Variants in RGS3 observed in about 807,000 individuals in gnomAD.
RGS3 encodes the protein regulator of G-protein signalling 3.
Under a neutral mutation model 132.6 loss-of-function variants are expected in RGS3, and 80 were observed. The observed-to-expected ratio is 0.60, with a 90% CI of 0.50 to 0.73. The LOEUF (loss-of-function observed/expected upper bound fraction) is 0.73, where lower values mean the gene tolerates loss of function less well. RGS3 is among the 30% of genes least tolerant of loss of function. The probability of loss-of-function intolerance (pLI) is 0.00; values close to 1 mark genes in which losing one functional copy is unlikely to be tolerated. For missense variants in RGS3, 1,382 were observed against 1,530.8 expected (o/e 0.90, Z 1.62); for synonymous variants, 598 against 620.6 (o/e 0.96, Z 0.54).
rs1833033235 is a variant in RGS3, at chr9:113,544,584, C to T, written c.2037+7666C>T. Among the ~76,000 whole-genome samples the T allele has an allele frequency of 3.3e-5, 5 of 152,332 alleles. No individual in the cohort carries two copies. The South Asian group carries it at 1.0e-3, about 32-fold the overall frequency. ...CAAAGTGAAAATGCAGGCAATTTTG[C>T]AACGTGGAAGGGCTCCCCACAGCGA... On this transcript the variant is annotated intron_variant, in intron 19 of 24. Coordinates refer to ENST00000350696, the Ensembl canonical transcript of RGS3.
At chr9:113,529,180 A>G in intron 17 of RGS3, 41 bp from the exon 16 acceptor site, 3 of 1,534,172 alleles carry the variant, frequency 2.0e-6, no homozygotes, top group South Asian at 2.2e-5. Flanking sequence ...GAGGCTCTTT[A>G]TCCAGTTCTA....
chr9:113,462,595 TGG>T (rs1249928805), intron 3 of RGS3, among the ~76,000 whole-genome samples: 1 of 152,218 alleles, frequency 6.6e-6, no homozygotes, highest in Non-Finnish European at 1.5e-5. Context: ...CTGCAAACCT[TGG>T]GCATGTCACC....
chr9:113,474,347 A>T (rs1368153132), intron 3 of RGS3, among the ~76,000 whole-genome samples: 1 of 152,162 alleles, frequency 6.6e-6, no homozygotes, highest in African/African-American at 2.4e-5. Context: ...CTTTTAACAC[A>T]GTAGCCATGG....
chr9:113,529,176 C>T (rs1260734366), intron 17 of RGS3, 45 bp from the exon 16 acceptor site: 3 of 1,517,830 alleles, frequency 2.0e-6, no homozygotes, highest in Admixed American at 1.7e-5. Context: ...TGCTGAGGCT[C>T]TTTATCCAGT....
rs1452236951 is a variant in RGS3, at chr9:113,584,353, A to ACC, written c.2943_2944dup (p.Leu982ProfsTer26). On this transcript the variant is annotated frameshift_variant, in exon 20 of 25. Transcript: ENST00000350696. LOFTEE classifies it high-confidence loss of function. The stretch of plus-strand genomic sequence containing the variant: ...CACCTGGGGCATGCCTTCGCCCAGC[A>ACC]CCCTCAAGAAAGAGCTGGGCCGCAA... 1 of 1,577,198 alleles carries ACC rather than the reference A, an allele frequency of 6.3e-7. No individual in the cohort carries two copies. Among genetic ancestry groups the ACC allele is most frequent in the Non-Finnish European group, 8.6e-7 (1 of 1,166,748 alleles).
chr9:113,446,026 G>A (rs900884665), intron 1 of RGS3, among the ~76,000 whole-genome samples: 2 of 152,096 alleles, frequency 1.3e-5, no homozygotes, highest in Non-Finnish European at 2.9e-5. Flanking sequence ...GAGGGAGTGA[G>A]GGTTTCATCC....
chr9:113,485,721 G>T (rs375923093), intron 7 of RGS3, 28 bp downstream of exon 5: 1 of 1,546,068 alleles, frequency 6.5e-7, no homozygotes, highest in South Asian at 1.2e-5. Context: ...GCTGGAGGGG[G>T]ACTCTGCTCT....
At chr9:113,570,407 A>G (rs536040067) in intron 19 of RGS3, 1 of 152,320 alleles carries the variant, frequency 6.6e-6, no homozygotes, top group South Asian at 2.1e-4. Flanking sequence ...CTCACCGAGA[A>G]GCAGTGAGCC....
chr9:113,537,208 G>A lies in RGS3; in HGVS notation c.2037+290G>A, dbSNP rs545584676. On this transcript the variant is annotated intron_variant, in intron 19 of 24. Transcript: ENST00000350696. This position sits in a 1 kb window ranked among gnomAD's most constrained non-coding sequence, Gnocchi z 4.3. Reference sequence around the variant, plus strand: ...GTTTGCCTATGGCAAGGTTTAATTCGGGCTGGCCTCCCTGATGCTGCCTGG... The same window carrying A: ...GTTTGCCTATGGCAAGGTTTAATTCAGGCTGGCCTCCCTGATGCTGCCTGG... Among the ~76,000 whole-genome samples the A allele has an allele frequency of 1.3e-5, 2 of 152,360 alleles. No homozygotes were observed. Among genetic ancestry groups the A allele is most frequent in the African/African-American group, 2.4e-5 (1 of 41,580 alleles).
chr9:113,503,813 C>T (rs1320101996), intron 10 of RGS3, among the ~76,000 whole-genome samples: 1 of 152,190 alleles, frequency 6.6e-6, no homozygotes, highest in Non-Finnish European at 1.5e-5. Flanking sequence ...GGGCCAGGCT[C>T]CTGGCGTCTT....
intron 19 of RGS3, among the ~76,000 whole-genome samples, chr9:113,546,174 C>T (rs1434989437): frequency 6.6e-6 from 1 of 152,182 alleles, no homozygotes; most frequent in Non-Finnish European, 1.5e-5. Flanking sequence ...TCTCTAAACT[C>T]ACTGTGCACA....
At chr9:113,548,669 C>T (rs1382171964) in intron 19 of RGS3, among the ~76,000 whole-genome samples, 1 of 152,216 alleles carries the variant, frequency 6.6e-6, no homozygotes, top group East Asian at 1.9e-4. Context: ...GAGCCATCAG[C>T]CCTCACACCC....
At chr9:113,448,844 G>C (rs1829177473) in intron 1 of RGS3, among the ~76,000 whole-genome samples, 1 of 152,244 alleles carries the variant, frequency 6.6e-6, no homozygotes, top group South Asian at 2.1e-4. Flanking sequence ...ACAGTGATGA[G>C]AAGAAGGAGA....
chr9:113,575,550 C>A (rs989670776), intron 19 of RGS3, among the ~76,000 whole-genome samples: 2 of 152,192 alleles, frequency 1.3e-5, no homozygotes, highest in African/African-American at 2.4e-5. Flanking sequence ...CTCTTCTGCA[C>A]AGGCTCCCCA....
At chr9:113,481,403 G>A (rs1200243710) in intron 4 of RGS3, among the ~76,000 whole-genome samples, 4 of 152,188 alleles carry the variant, frequency 2.6e-5, no homozygotes, top group Admixed American at 1.3e-4. Context: ...CCACGCCCTC[G>A]AGGGAAATGA....
At chr9:113,519,508 A>AC (rs1311599698) in intron 16 of RGS3, among the ~76,000 whole-genome samples, 1 of 133,196 alleles carries the variant, frequency 7.5e-6, no homozygotes. Flanking sequence ...TATTACTCAC[A>AC]CCAAAAAAAA....
Position 113,507,538 on chromosome 9 carries a change from C to T in RGS3, c.1337C>T (p.Ala446Val), listed in dbSNP as rs747042973. The T allele has an allele frequency of 6.3e-7, 1 of 1,599,204 alleles. No homozygotes were observed. Among genetic ancestry groups the T allele is most frequent in the South Asian group, 1.1e-5 (1 of 89,150 alleles). The stretch of plus-strand genomic sequence containing the variant: ...GGCTGGGAGCGCTACACCGAGGTGG[C>T]CAAGCGCGGGGGCCAGCACACCCTG... The change falls in exon 13 of 25, where the codon GCC becomes GTC. Residue 446 changes from alanine (A) to valine (V), a missense_variant. Coordinates refer to ENST00000350696, the Ensembl canonical transcript of RGS3. This position sits in a 1 kb window ranked among gnomAD's most constrained non-coding sequence, Gnocchi z 5.0.
At chr9:113,532,623 G>A (rs921888300) in intron 18 of RGS3, among the ~76,000 whole-genome samples, 3 of 152,276 alleles carry the variant, frequency 2.0e-5, no homozygotes, top group Non-Finnish European at 4.4e-5. Flanking sequence ...TGGTTCTTGT[G>A]GTGTCAGCAA....
At chr9:113,482,930 C>T (rs2119222883) in intron 4 of RGS3, 129 bp from the exon 3 acceptor site, 2 of 1,547,798 alleles carry the variant, frequency 1.3e-6, no homozygotes, top group Non-Finnish European at 8.7e-7. Flanking sequence ...CCCTGCTACT[C>T]ACAGATACGC....
Sources: gnomAD v4.1 joint callset for allele counts (sites outside exome capture counted in the v4.1 genomes callset) on GRCh38, gnomAD v4.1.1 for gene constraint, Gnocchi (gnomAD v3.1) non-coding constraint, MANE v1.5 for transcripts, NCBI Gene and HGNC (gene_info 2026-07-23, HGNC 2026-07-21) for gene names.